The following CERKL variants were observed in gnomAD, a reference collection of about 807,000 sequenced individuals.
The protein encoded by CERKL is ceramide kinase-like protein.
Under a neutral mutation model 63.4 loss-of-function variants are expected in CERKL, and 61 were observed. The ratio of observed to expected loss-of-function variants is 0.96; its 90% CI spans 0.78 to 1.19. The LOEUF (loss-of-function observed/expected upper bound fraction) is 1.19. Among genes scored for constraint, CERKL ranks in the 50% most tolerant of loss-of-function variants. The pLI is 0.00. For missense variants in CERKL, 675 were observed against 655.5 expected (o/e 1.03, Z -0.33); for synonymous variants, 250 against 230.5 (o/e 1.08, Z -0.77).
intron 1 of CERKL, 57 bp from the exon 2 acceptor site, chr2:181,604,136 C>T: frequency 7.1e-7 from 1 of 1,409,648 alleles, no homozygotes; most frequent in Non-Finnish European, 9.9e-7. Flanking sequence ...AGAGGAACAA[C>T]AGACACTGGG....
chr2:181,546,635 C>T (rs996119938), intron 10 of CERKL, among the ~76,000 whole-genome samples: 3 of 152,112 alleles, frequency 2.0e-5, no homozygotes, highest in Admixed American at 6.6e-5. Context: ...ACAACACTCA[C>T]GATCCTTTCT....
intron 1 of CERKL, among the ~76,000 whole-genome samples, chr2:181,616,734 T>C (rs1291366835): frequency 6.6e-6 from 1 of 152,208 alleles, no homozygotes; most frequent in Non-Finnish European, 1.5e-5. Flanking sequence ...TCTGGATATA[T>C]GATTTATTCA....
intron 2 of CERKL, among the ~76,000 whole-genome samples, chr2:181,597,176 T>C (rs1685252489): frequency 6.6e-6 from 1 of 152,164 alleles, no homozygotes; most frequent in African/African-American, 2.4e-5. Flanking sequence ...CCAAGATAAA[T>C]AGTAGTTTTT....
chr2:181,653,079 A>AT (rs1688007870), intron 1 of CERKL, among the ~76,000 whole-genome samples: 1 of 152,108 alleles, frequency 6.6e-6, no homozygotes, highest in Non-Finnish European at 1.5e-5. Context: ...GGCCAACTTG[A>AT]TTTTTTAAAT....
intron 5 of CERKL, among the ~76,000 whole-genome samples, chr2:181,551,545 C>G (rs967152927): frequency 6.8e-6 from 1 of 147,916 alleles, no homozygotes; most frequent in African/African-American, 2.5e-5. Context: ...ATGTGGCCAA[C>G]AAACATATAA....
intron 2 of CERKL, 150 bp downstream of exon 2, chr2:181,603,687 C>G: frequency 1.2e-6 from 1 of 821,160 alleles, no homozygotes; most frequent in South Asian, 1.4e-5. Flanking sequence ...AAGTATTTAG[C>G]AAATTTCAAC....
At chr2:181,626,800 G>A (rs1686725702) in intron 1 of CERKL, among the ~76,000 whole-genome samples, 1 of 152,214 alleles carries the variant, frequency 6.6e-6, no homozygotes, top group Non-Finnish European at 1.5e-5. Context: ...TACCAGAGAG[G>A]TCATCTTCTG....
intron 1 of CERKL, among the ~76,000 whole-genome samples, chr2:181,654,143 TA>T (rs771584951): frequency 1.3e-4 from 20 of 151,682 alleles, no homozygotes; most frequent in Non-Finnish European, 2.5e-4. Flanking sequence ...ATCACACATT[TA>T]AAATATTTCT....
intron 10 of CERKL, among the ~76,000 whole-genome samples, chr2:181,545,982 T>C (rs1431160461): frequency 6.6e-6 from 1 of 152,168 alleles, no homozygotes; most frequent in African/African-American, 2.4e-5. Context: ...TATTCTAACA[T>C]AAATTATTAT....
chr2:181,536,806 G>GATC lies in CERKL; in HGVS notation c.*1377_*1378insGAT. 1 of 303,404 alleles carries GATC rather than the reference G, an allele frequency of 3.3e-6. No homozygotes were observed. Among genetic ancestry groups the GATC allele is most frequent in the East Asian group, 8.7e-5 (1 of 11,480 alleles). The allele number at this position is 303,404 out of a possible 1,614,324, so 18.8% of individuals were successfully genotyped here. A position where few individuals can be genotyped will look rare whatever the true frequency, so the allele number is the denominator to read the frequency against. Reference sequence around the variant, plus strand: ...ATATTTATTTTATGCTTATGATCTAGATAATTGCAGAATATCATTTTATCT... The same window carrying GATC: ...ATATTTATTTTATGCTTATGATCTAGATCATAATTGCAGAATATCATTTTATCT... On this transcript the variant is annotated 3_prime_UTR_variant, in exon 13 of 13. Coordinates refer to ENST00000410087, the MANE Select transcript of CERKL (RefSeq NM_201548.5).
chr2:181,623,485 T>C (rs903299673), intron 1 of CERKL, among the ~76,000 whole-genome samples: 1 of 152,234 alleles, frequency 6.6e-6, no homozygotes, highest in Admixed American at 6.5e-5. Context: ...ATAATGATTA[T>C]TCTTAAACTG....
intron 10 of CERKL, among the ~76,000 whole-genome samples, chr2:181,547,379 T>C (rs1001875118): frequency 6.6e-6 from 1 of 152,192 alleles, no homozygotes; most frequent in Admixed American, 6.5e-5. Flanking sequence ...ATTCTATCAA[T>C]AAAACTTAGG....
rs201654650 is a variant in CERKL at position 181,537,032 on chromosome 2, G to A, written c.*1152C>T. 20 of 444,074 alleles carry A rather than the reference G, an allele frequency of 4.5e-5. No homozygotes were observed. Among genetic ancestry groups the A allele is most frequent in the Middle Eastern group, 1.5e-3 (2 of 1,376 alleles). The allele number at this position is 444,074 out of a possible 1,614,324, so 27.5% of individuals were successfully genotyped here. A position where few individuals can be genotyped will look rare whatever the true frequency, so the allele number is the denominator to read the frequency against. ...TGGTGAGGAATGTTCTGAGATTTGC[G>A]AAGGCATTTGAGTAGTGAAATGTAA... On this transcript the variant is annotated 3_prime_UTR_variant, in exon 13 of 13. Coordinates refer to ENST00000410087, the MANE Select transcript of CERKL (RefSeq NM_201548.5).
At chr2:181,540,405 T>C (rs116381793) in intron 11 of CERKL, among the ~76,000 whole-genome samples, 3,354 of 152,300 alleles carry the variant, frequency 0.022, 60 homozygotes, top group Admixed American at 0.033. Flanking sequence ...CCACCCCAAC[T>C]ATGTTCAAGT....
Position 181,538,116 on chromosome 2 carries a change from T to G in CERKL, c.*68A>C, listed in dbSNP as rs777158453. The G allele has an allele frequency of 2.3e-5, 26 of 1,120,078 alleles. No individual in the cohort carries two copies. The South Asian group carries it at 2.8e-4, about 12-fold the overall frequency. The allele number at this position is 1,120,078 out of a possible 1,614,324, so 69.4% of individuals were successfully genotyped here. ...CCAAAAAGGGTGGGGACCACAGGTTTAAAGCATGGCCACATTTCTTTATAT... is the reference window on the plus strand; with the variant it reads ...CCAAAAAGGGTGGGGACCACAGGTTGAAAGCATGGCCACATTTCTTTATAT... On this transcript the variant is annotated 3_prime_UTR_variant, in exon 13 of 13. Coordinates refer to ENST00000410087, the MANE Select transcript of CERKL (RefSeq NM_201548.5).
At chr2:181,597,346 T>C (rs1685261907) in intron 2 of CERKL, among the ~76,000 whole-genome samples, 2 of 152,228 alleles carry the variant, frequency 1.3e-5, no homozygotes, top group East Asian at 3.8e-4. Flanking sequence ...TTTCAGAATT[T>C]AATACAAACT....
intron 2 of CERKL, among the ~76,000 whole-genome samples, chr2:181,603,453 C>A (rs572420841): frequency 2.6e-4 from 39 of 152,194 alleles, no homozygotes; most frequent in African/African-American, 8.2e-4. Context: ...ACAAACAGTA[C>A]AGAAAAACTA....
At chr2:181,542,778 T>G (rs973384794) in intron 11 of CERKL, among the ~76,000 whole-genome samples, 3 of 152,190 alleles carry the variant, frequency 2.0e-5, no homozygotes, top group African/African-American at 7.2e-5. Flanking sequence ...TGATAAATCC[T>G]GCATAATATT....
chr2:181,589,258 A>G (rs980359379), intron 2 of CERKL, among the ~76,000 whole-genome samples: 1 of 152,242 alleles, frequency 6.6e-6, no homozygotes, highest in African/African-American at 2.4e-5. Context: ...ATGATGTATA[A>G]AAACTACTTT....
Sources: allele counts gnomAD v4.1 joint callset (sites outside exome capture counted in the v4.1 genomes callset), GRCh38; gene constraint gnomAD v4.1.1; transcripts MANE v1.5; gene names NCBI Gene and HGNC (gene_info 2026-07-23, HGNC 2026-07-21).